Variants in AKAP13 observed in about 807,000 individuals in gnomAD.
AKAP13 encodes the protein A-kinase anchoring protein 13.
AKAP13 carries 80 observed loss-of-function variants against 264.5 expected under a neutral mutation model. That is an observed-to-expected ratio of 0.30 (90% CI 0.25 to 0.36). The LOEUF (loss-of-function observed/expected upper bound fraction) is 0.36. Ranked by LOEUF, AKAP13 falls within the 10% of genes least tolerant of loss-of-function variation. The pLI is 1.00. For missense variants in AKAP13, 3,712 were observed against 3,435.2 expected (o/e 1.08, Z -2.01); for synonymous variants, 1,380 against 1,250.2 (o/e 1.10, Z -2.19).
intron 18 of AKAP13, among the ~76,000 whole-genome samples, chr15:85,709,059 A>G (rs1194141269): frequency 6.6e-6 from 1 of 152,180 alleles, no homozygotes; most frequent in East Asian, 1.9e-4. Flanking sequence ...TCTTTAGCCT[A>G]TGGACACATA....
At chr15:85,532,880 G>A (rs543227254) in intron 3 of AKAP13, among the ~76,000 whole-genome samples, 7 of 152,278 alleles carry the variant, frequency 4.6e-5, no homozygotes, top group Admixed American at 2.0e-4. Context: ...GCATGTTTGC[G>A]TTTCCTGAAC....
At chr15:85,483,632 CAAAAA>C (rs35648447) in intron 1 of AKAP13, among the ~76,000 whole-genome samples, 2 of 58,000 alleles carry the variant, frequency 3.4e-5, no homozygotes, top group Non-Finnish European at 6.2e-5. Flanking sequence ...GACTCCGTCT[CAAAAA>C]AAAAAAAAAA....
intron 19 of AKAP13, among the ~76,000 whole-genome samples, chr15:85,711,082 C>A (rs904883967): frequency 6.6e-6 from 1 of 151,982 alleles, no homozygotes; most frequent in African/African-American, 2.4e-5. Flanking sequence ...ATAGCACAAT[C>A]TCGGCTCACT....
In AKAP13 at chr15:85,743,918, G is replaced by C. The variant is rs374261525; in HGVS notation, c.8392+93G>C. On this transcript the variant is annotated intron_variant, in intron 36 of 36. Transcript: ENST00000394518. ...AGTGGCATGGGGCGGGGTTGAAAAG[G>C]GGACAGTTCAGATGCTCAAAAGCCA... is the stretch of plus-strand genomic sequence containing the variant. 1.4e-4 allele frequency: 205 copies of C among 1,418,152 alleles called. 1 individual carries two copies. In the South Asian group the frequency reaches 1.5e-3, roughly 10 times the overall value. The allele number at this position is 1,418,152 out of a possible 1,614,324, so 87.8% of individuals were successfully genotyped here.
At chr15:85,592,401 A>G (rs776984985) in intron 8 of AKAP13, among the ~76,000 whole-genome samples, 1 of 152,160 alleles carries the variant, frequency 6.6e-6, no homozygotes, top group Non-Finnish European at 1.5e-5. Flanking sequence ...TAATCCAACA[A>G]CTTATAATGC....
In AKAP13 at chr15:85,580,124, A is replaced by G. The variant is rs1339727265; in HGVS notation, c.2056A>G (p.Ile686Val). 3 of 1,614,204 alleles carry G rather than the reference A, an allele frequency of 1.9e-6. No individual in the cohort carries two copies. Among genetic ancestry groups the G allele is most frequent in the Non-Finnish European group, 2.5e-6 (3 of 1,180,032 alleles). ...GDLVAKLCDN[I>V]VSESESTTAR... ...TTTGGTTGCAAAACTGTGTGATAACATAGTTAGCGAGTCCGAAAGCACCAC... is the reference window on the plus strand; with the variant it reads ...TTTGGTTGCAAAACTGTGTGATAACGTAGTTAGCGAGTCCGAAAGCACCAC... Residue 686 changes from isoleucine to valine, a missense_variant, in exon 7 of 37, where the codon ATA (isoleucine) becomes GTA (valine). By Grantham distance (29) the Ile-to-Val change is conservative. Transcript: ENST00000394518.
chr15:85,418,320 G>A (rs8024518), intron 1 of AKAP13, among the ~76,000 whole-genome samples: 32,010 of 152,002 alleles, frequency 0.21, 4,153 homozygotes, highest in African/African-American at 0.34. Flanking sequence ...GGCTTCAGAC[G>A]ATCTTCCCAT....
At chr15:85,393,470 A>C (rs575735222) in intron 1 of AKAP13, among the ~76,000 whole-genome samples, 3 of 152,254 alleles carry the variant, frequency 2.0e-5, no homozygotes, top group Non-Finnish European at 4.4e-5. Flanking sequence ...ATTCCTGCCA[A>C]AATAGTGCTG....
At position 85,743,580 on chromosome 15, in the gene AKAP13, C is replaced by T. The variant is rs759635611; in HGVS notation, c.8147C>T (p.Ala2716Val). Reference sequence around the variant, plus strand: ...CCCTCGCCATCTGCACCTTCCATAGCCAAATCAGGGTCATTGGACTCAGAA... The same window carrying T: ...CCCTCGCCATCTGCACCTTCCATAGTCAAATCAGGGTCATTGGACTCAGAA... Reference protein sequence around the residue: ...EPPSPSAPSIAKSGSLDSELS... With the variant: ...EPPSPSAPSIVKSGSLDSELS... The change falls in exon 36 of 37, where the codon GCC becomes GTC. Residue 2716 changes from alanine to valine, a missense_variant. Physicochemically the swap from Ala to Val is moderately conservative, Grantham distance 64 (BLOSUM62 0). This residue lies in a region of AKAP13 where 611 missense variants were observed against 539.3 expected (regional missense o/e 1.13). Transcript: ENST00000394518. 1.2e-6 allele frequency: 2 copies of T among 1,614,166 alleles called. No homozygotes were observed. Among genetic ancestry groups the T allele is most frequent in the Non-Finnish European group, 1.7e-6 (2 of 1,180,022 alleles).
intron 8 of AKAP13, among the ~76,000 whole-genome samples, chr15:85,593,809 G>A (rs960103364): frequency 1.3e-5 from 2 of 151,722 alleles, no homozygotes; most frequent in East Asian, 1.9e-4. Context: ...TTGTTCATTC[G>A]TATTATATTG....
At chr15:85,442,137 C>CGCGG (rs2073680314) in intron 1 of AKAP13, among the ~76,000 whole-genome samples, 1 of 151,722 alleles carries the variant, frequency 6.6e-6, no homozygotes. Context: ...TTAGGCTGGG[C>CGCGG]GCGGTGGCTC....
chr15:85,397,456 A>C (rs981185763), intron 1 of AKAP13, among the ~76,000 whole-genome samples: 6 of 152,190 alleles, frequency 3.9e-5, no homozygotes, highest in African/African-American at 1.4e-4. Context: ...TTCATCTGTG[A>C]GATACCTCGG....
chr15:85,627,640 T>A (rs2081486497), intron 8 of AKAP13: 1 of 152,254 alleles, frequency 6.6e-6, no homozygotes, highest in South Asian at 2.1e-4. Context: ...TCTCCTGTTG[T>A]TCTTCCTTGC....
intron 8 of AKAP13, among the ~76,000 whole-genome samples, chr15:85,630,522 T>C (rs1040932405): frequency 6.6e-6 from 1 of 152,214 alleles, no homozygotes; most frequent in African/African-American, 2.4e-5. Context: ...ATGTAAGCTG[T>C]GAGTTCTTTG....
intron 20 of AKAP13, 39 bp downstream of exon 20, chr15:85,715,962 A>G (rs555856694): frequency 2.5e-6 from 4 of 1,585,754 alleles, no homozygotes; most frequent in East Asian, 4.6e-5. Flanking sequence ...GTTGGCATCT[A>G]GGTGACCAGA....
intron 1 of AKAP13, among the ~76,000 whole-genome samples, chr15:85,405,009 T>TCCTA (rs2071598566): frequency 6.6e-6 from 1 of 152,224 alleles, no homozygotes; most frequent in African/African-American, 2.4e-5. Flanking sequence ...GAATGCTGTA[T>TCCTA]CCTAGCACAT....
At chr15:85,518,223 T>A (rs1054074352) in intron 2 of AKAP13, among the ~76,000 whole-genome samples, 7 of 152,202 alleles carry the variant, frequency 4.6e-5, no homozygotes, top group African/African-American at 1.7e-4. Flanking sequence ...CTGTTTTTCC[T>A]TGTTATTTTT....
At chr15:85,450,483 G>C (rs762350546) in intron 1 of AKAP13, among the ~76,000 whole-genome samples, 3 of 151,984 alleles carry the variant, frequency 2.0e-5, no homozygotes, top group African/African-American at 7.3e-5. Context: ...TCTTTTTCGT[G>C]TGGGCATTTG....
intron 5 of AKAP13, among the ~76,000 whole-genome samples, chr15:85,560,309 G>T (rs1367828903): frequency 6.6e-6 from 1 of 151,982 alleles, no homozygotes; most frequent in African/African-American, 2.4e-5. Flanking sequence ...ACCAGGCCGG[G>T]CTAATTTTTT....
Sources: allele counts gnomAD v4.1 joint callset (sites outside exome capture counted in the v4.1 genomes callset), GRCh38; gene constraint gnomAD v4.1.1; regional missense constraint gnomAD v4.1.1; transcripts MANE v1.5; gene names NCBI Gene and HGNC (gene_info 2026-07-23, HGNC 2026-07-21).